EPB42: variants seen among roughly 807,000 people sequenced by gnomAD.
EPB42 encodes protein 4.2.
Under a neutral mutation model 76.9 loss-of-function variants are expected in EPB42, and 49 were observed. That is an observed-to-expected ratio of 0.64 (90% CI 0.51 to 0.81). The LOEUF is 0.81. Among genes scored for constraint, EPB42 ranks in the 30% least tolerant of loss-of-function variants. EPB42 has a pLI of 0.00. For synonymous variants in EPB42, 310 were observed against 338.4 expected, an observed-to-expected ratio of 0.92 and a Z score of 0.92; for missense variants, 731 against 867.6, an observed-to-expected ratio of 0.84 and a Z score of 1.98.
chr15:43,222,907 T>G (rs1475365761), upstream of EPB42, among the ~76,000 whole-genome samples: 1 of 152,230 alleles, frequency 6.6e-6, no homozygotes, highest in Non-Finnish European at 1.5e-5. Context: ...GAGACACTTC[T>G]TCTTAAGTTA....
At chr15:43,220,649 A>ACCCCCCCCCCCCCCC (rs3832982) in intron 1 of EPB42, 167 bp downstream of exon 1, 3 of 389,182 alleles carry the variant, frequency 7.7e-6, no homozygotes, top group African/African-American at 3.0e-5. Context: ...CACCTACCAC[A>ACCCCCCCCCCCCCCC]CCCCCCCCCC....
chr15:43,225,523 T>C (rs111619077), upstream of EPB42, among the ~76,000 whole-genome samples: 2 of 152,134 alleles, frequency 1.3e-5, no homozygotes, highest in African/African-American at 4.8e-5. Flanking sequence ...TCTGGCAGTA[T>C]TTCAGTCGGG....
intron 3 of EPB42, among the ~76,000 whole-genome samples, chr15:43,213,901 C>T (rs1409056413): frequency 3.9e-5 from 6 of 152,210 alleles, no homozygotes; most frequent in African/African-American, 1.4e-4. Flanking sequence ...AGAGAGAACC[C>T]ACTGGGATTT....
chr15:43,219,956 A>C (rs2042433378), intron 1 of EPB42, among the ~76,000 whole-genome samples: 1 of 151,998 alleles, frequency 6.6e-6, no homozygotes, highest in Non-Finnish European at 1.5e-5. Context: ...AAAAAAAAAA[A>C]AAAAGGACAA....
chr15:43,219,934 G>C (rs1233248799), intron 1 of EPB42, among the ~76,000 whole-genome samples: 2 of 148,268 alleles, frequency 1.3e-5, no homozygotes, highest in Non-Finnish European at 3.0e-5. Flanking sequence ...GACAGAGAGA[G>C]ACTCCGTTTA....
chr15:43,209,344 C>T lies in EPB42; in HGVS notation c.762G>A (p.Gln254=). ...CAGGTCGGCCTCGGCCGGTGAGCCA[C>T]TGCCGCAGGATGGGCACGCTGCCCC... ...KRRGSVPILR[Q]WLTGRGRPVY... The change falls in exon 6 of 13, where the codon CAG becomes CAA. Residue 254 remains glutamine, a synonymous_variant. Transcript: ENST00000441366. 1.9e-6 allele frequency: 3 copies of T among 1,614,150 alleles called. No homozygotes were observed. Among genetic ancestry groups the T allele is most frequent in the Non-Finnish European group, 2.5e-6 (3 of 1,180,040 alleles).
At chr15:43,203,822 G>A (rs1279399222) in intron 10 of EPB42, among the ~76,000 whole-genome samples, 1 of 152,128 alleles carries the variant, frequency 6.6e-6, no homozygotes, top group Non-Finnish European at 1.5e-5. Flanking sequence ...TCTGTAAAGT[G>A]GGGATAGCAA....
At chr15:43,212,983 G>C (rs2042323498) in intron 3 of EPB42, among the ~76,000 whole-genome samples, 1 of 152,222 alleles carries the variant, frequency 6.6e-6, no homozygotes, top group Non-Finnish European at 1.5e-5. Context: ...GGTCCTGAAG[G>C]CAACAGAAGG....
At position 43,220,855 on chromosome 15, in the gene EPB42, G is replaced by A. The variant is rs1428273578; in HGVS notation, c.-30C>T. 2.5e-6 allele frequency: 4 copies of A among 1,596,304 alleles called. No individual in the cohort carries two copies. The African/African-American group carries it at 5.4e-5, about 21-fold the overall frequency. On this transcript the variant is annotated 5_prime_UTR_variant, in exon 1 of 13. Coordinates refer to ENST00000441366, the MANE Select transcript of EPB42 (RefSeq NM_001114134.2). ...GCAGGCCGCTCCTCTTATCCACTTG[G>A]CCGCAGAAAGCGCCTCTCTCAAACT... is the stretch of plus-strand genomic sequence containing the variant.
At chr15:43,221,147 C>T, upstream of EPB42, 2 of 404,040 alleles carry the variant, frequency 5.0e-6, no homozygotes, top group Non-Finnish European at 9.4e-6. Context: ...ATGGGGAAGA[C>T]CTGCCAACTA....
At chr15:43,225,155 G>C (rs1040412880), upstream of EPB42, among the ~76,000 whole-genome samples, 5 of 152,202 alleles carry the variant, frequency 3.3e-5, no homozygotes, top group Non-Finnish European at 7.3e-5. Context: ...GTATGTGTGC[G>C]TGGGGAGAAT....
rs146769107 is a variant in EPB42 at position 43,216,316 on chromosome 15, G to A, written c.148C>T (p.Arg50Cys). 108 of 1,614,050 alleles carry A rather than the reference G, an allele frequency of 6.7e-5. No homozygotes were observed. The highest frequency in any genetic ancestry group is 8.6e-5 in the Non-Finnish European group (102 of 1,180,056). The stretch of plus-strand genomic sequence containing the variant: ...TTCTTCAGGGCAGGCAGAAATGCAC[G>A]GACTGGAGCGCGGAAGTACAGGATG... ...TIILYFRAPV[R>C]AFLPALKKVA... The change falls in exon 2 of 13, where the codon CGT (arginine) becomes TGT (cysteine). Residue 50 changes from arginine (R) to cysteine (C), a missense_variant. Transcript: ENST00000441366.
intron 3 of EPB42, 67 bp from the exon 4 acceptor site, chr15:43,211,601 C>G: frequency 9.6e-7 from 1 of 1,045,920 alleles, no homozygotes; most frequent in Non-Finnish European, 1.5e-6. Flanking sequence ...ATCCAGGCCT[C>G]TGTCCTCCCT....
intron 12 of EPB42, among the ~76,000 whole-genome samples, chr15:43,200,234 A>C (rs2042106046): frequency 6.6e-6 from 1 of 152,166 alleles, no homozygotes; most frequent in Non-Finnish European, 1.5e-5. Context: ...AGTATGGTTA[A>C]ATGTTGACAG....
rs1313275870 is a variant in EPB42, at chr15:43,220,813, C to T, written c.10+3G>A. The stretch of plus-strand genomic sequence containing the variant: ...AGCCCTGTCGAGCGCTGGCTTGGCT[C>T]ACCCTGTCCCATGGTTGCAGGCCGC... On this transcript the variant is annotated splice_donor_region_variant and intron_variant, in intron 1 of 12. Coordinates refer to ENST00000441366, the MANE Select transcript of EPB42 (RefSeq NM_001114134.2). The T allele has an allele frequency of 6.2e-7, 1 of 1,612,056 alleles. No homozygotes were observed.
rs1394110095 is a variant in EPB42 at position 43,197,341 on chromosome 15, A to G, written c.2037T>C (p.Tyr679=). 2.5e-6 allele frequency: 4 copies of G among 1,614,062 alleles called. No homozygotes were observed. Among genetic ancestry groups the G allele is most frequent in the Middle Eastern group, 1.6e-4 (1 of 6,084 alleles). The change falls in exon 13 of 13, where the codon TAT becomes TAC. Residue 679 remains tyrosine (Y), a synonymous_variant. Coordinates refer to ENST00000441366, the MANE Select transcript of EPB42 (RefSeq NM_001114134.2). ...CAGGGGCTACCACGGTGACGCTTTT[A>G]TAGTTGGTTAGGTTCTGGAACATGT... ...DCNMFQNLTN[Y]KSVTVVAPEL...
rs1355375926 is a variant in EPB42, at chr15:43,209,400, T to A, written c.706A>T (p.Thr236Ser). 6.2e-7 allele frequency: 1 copy of A among 1,613,664 alleles called. No homozygotes were observed. The highest frequency in any genetic ancestry group is 2.2e-5 in the East Asian group (1 of 44,864). ...RVLPTPQTQA[T>S]QEGALLNKRR... Reference sequence around the variant, plus strand: ...TTGTTCAGCAAGGCCCCTTCCTGGGTGGCCTGGGTCTGCGGGGTGGGCAGG... The same window carrying A: ...TTGTTCAGCAAGGCCCCTTCCTGGGAGGCCTGGGTCTGCGGGGTGGGCAGG... The change falls in exon 6 of 13, where the codon ACC (threonine) becomes TCC (serine). Residue 236 changes from threonine to serine, a missense_variant. Physicochemically the swap from Thr to Ser is moderately conservative, Grantham distance 58. Transcript: ENST00000441366.
intron 9 of EPB42, among the ~76,000 whole-genome samples, 192 bp downstream of exon 9, chr15:43,207,007 A>G (rs2042214327): frequency 6.6e-6 from 1 of 152,176 alleles, no homozygotes; most frequent in Non-Finnish European, 1.5e-5. Flanking sequence ...TAAATGTCCT[A>G]GGGTGCACAG....
At chr15:43,211,578 G>T (rs1487017002) in intron 3 of EPB42, 44 bp from the exon 4 acceptor site, 1 of 1,299,038 alleles carries the variant, frequency 7.7e-7, no homozygotes, top group Non-Finnish European at 1.1e-6. Context: ...GGGGTCCTAG[G>T]TCCACCCTCC....
Sources: gnomAD v4.1 joint callset for allele counts (sites outside exome capture counted in the v4.1 genomes callset) on GRCh38, gnomAD v4.1.1 for gene constraint, MANE v1.5 for transcripts, NCBI Gene and HGNC (gene_info 2026-07-23, HGNC 2026-07-21) for gene names.